The following KCNQ3 variants were observed in gnomAD, a reference collection of about 807,000 sequenced individuals.
KCNQ3 encodes the protein potassium voltage-gated channel subfamily Q member 3.
KCNQ3 carries 30 observed loss-of-function variants against 92.5 expected under a neutral mutation model. That is an observed-to-expected ratio of 0.32 (90% CI 0.24 to 0.44). The LOEUF (loss-of-function observed/expected upper bound fraction) is 0.44, where lower values mean the gene tolerates loss of function less well. KCNQ3 is among the 20% of genes least tolerant of loss of function. The probability of loss-of-function intolerance (pLI) is 1.00; values close to 1 mark genes in which losing one functional copy is unlikely to be tolerated. For missense variants in KCNQ3, 913 were observed against 1,140.3 expected, an observed-to-expected ratio of 0.80 and a Z score of 2.87; for synonymous variants, 450 against 468.8, an observed-to-expected ratio of 0.96 and a Z score of 0.52.
intron 1 of KCNQ3, among the ~76,000 whole-genome samples, chr8:132,350,380 T>C (rs1201320795): frequency 1.3e-5 from 2 of 152,162 alleles, no homozygotes; most frequent in Non-Finnish European, 2.9e-5. Context: ...CAGCTTCCCT[T>C]TGTTCTAGTC....
chr8:132,186,802 G>A (rs539092303), intron 1 of KCNQ3, among the ~76,000 whole-genome samples: 12 of 152,142 alleles, frequency 7.9e-5, no homozygotes, highest in Non-Finnish European at 2.9e-5. Context: ...CAGAATGCTG[G>A]TCCTTTAAAA....
At chr8:132,169,438 G>GA (rs35061911) in intron 8 of KCNQ3, among the ~76,000 whole-genome samples, 1 of 152,168 alleles carries the variant, frequency 6.6e-6, no homozygotes, top group Non-Finnish European at 1.5e-5. Flanking sequence ...CATAACCATA[G>GA]AAAAAGGTTC....
chr8:132,445,619 T>C (rs1821654709), intron 1 of KCNQ3, among the ~76,000 whole-genome samples: 1 of 152,038 alleles, frequency 6.6e-6, no homozygotes, highest in Admixed American at 6.5e-5. Flanking sequence ...TCAAATTAAT[T>C]TTCCCTCCTT....
chr8:132,249,696 C>T (rs113919432), intron 1 of KCNQ3, among the ~76,000 whole-genome samples: 3,053 of 152,266 alleles, frequency 0.02, 103 homozygotes, highest in African/African-American at 0.069. Context: ...GACTGGGCAC[C>T]GCAGAGCAGG....
At chr8:132,265,324 C>A (rs1815946058) in intron 1 of KCNQ3, among the ~76,000 whole-genome samples, 1 of 152,240 alleles carries the variant, frequency 6.6e-6, no homozygotes, top group Admixed American at 6.5e-5. Context: ...GGCCATCCAC[C>A]AACAACCAGT....
At chr8:132,259,120 C>G (rs13255301) in intron 1 of KCNQ3, among the ~76,000 whole-genome samples, 67,558 of 151,806 alleles carry the variant, frequency 0.45, 17,083 homozygotes, top group East Asian at 0.68. Context: ...TTATTCTCCA[C>G]ACCAGGAAAA....
chr8:132,133,912 G>T (rs949552958), intron 13 of KCNQ3, among the ~76,000 whole-genome samples: 4 of 152,178 alleles, frequency 2.6e-5, no homozygotes, highest in Non-Finnish European at 4.4e-5. Context: ...CCTGGGAGGG[G>T]TATCAATCAA....
At chr8:132,133,940 A>C (rs1341415132) in intron 13 of KCNQ3, among the ~76,000 whole-genome samples, 1 of 152,194 alleles carries the variant, frequency 6.6e-6, no homozygotes, top group African/African-American at 2.4e-5. Context: ...GTAATTATGC[A>C]GGATGGAGAA....
At chr8:132,264,375 G>A (rs2130479728) in intron 1 of KCNQ3, among the ~76,000 whole-genome samples, 1 of 152,266 alleles carries the variant, frequency 6.6e-6, no homozygotes, top group Middle Eastern at 3.4e-3. Context: ...ATCAGGAGGG[G>A]CCACGTATTG....
intron 1 of KCNQ3, among the ~76,000 whole-genome samples, chr8:132,432,031 T>C (rs1444583075): frequency 6.6e-6 from 1 of 152,242 alleles, no homozygotes; most frequent in Non-Finnish European, 1.5e-5. Context: ...AGAGGGTTGT[T>C]ATGAGGGATC....
intron 1 of KCNQ3, among the ~76,000 whole-genome samples, chr8:132,397,413 A>G (rs1025641095): frequency 6.6e-6 from 1 of 152,198 alleles, no homozygotes; most frequent in Non-Finnish European, 1.5e-5. Flanking sequence ...GGTAACCTAG[A>G]CAAGTTGTTC....
rs539895671 is a variant in KCNQ3 at position 132,129,148 on chromosome 8, C to T, written c.*114G>A. The T allele has an allele frequency of 2.0e-5, 26 of 1,302,436 alleles. No homozygotes were observed. Among genetic ancestry groups the T allele is most frequent in the African/African-American group, 1.4e-4 (10 of 69,190 alleles). The allele number at this position is 1,302,436 out of a possible 1,614,324, so 80.7% of individuals were successfully genotyped here. A position where few individuals can be genotyped will look rare whatever the true frequency, so the allele number is the denominator to read the frequency against. On this transcript the variant is annotated 3_prime_UTR_variant, in exon 15 of 15. Coordinates refer to ENST00000388996, the MANE Select transcript of KCNQ3 (RefSeq NM_004519.4). This position sits in a 1 kb window ranked among gnomAD's most constrained non-coding sequence, Gnocchi z 5.9. ...TGCCTGGGTGGGGCCACCACGCACA[C>T]GCATGCATTTGATGCAGCCATTGGT...
intron 1 of KCNQ3, among the ~76,000 whole-genome samples, chr8:132,186,930 G>A (rs1175809553): frequency 9.5e-6 from 1 of 105,734 alleles, no homozygotes; most frequent in African/African-American, 4.4e-5. Context: ...GTGTGTGTGT[G>A]TGTGAGAGAG....
chr8:132,278,131 T>C (rs1816398542), intron 1 of KCNQ3: 1 of 985,268 alleles, frequency 1.0e-6, no homozygotes, highest in Non-Finnish European at 1.2e-6. Flanking sequence ...TCTAACTAAC[T>C]AGAGAATCCC....
chr8:132,178,602 A>G (rs1826646572), intron 4 of KCNQ3, among the ~76,000 whole-genome samples: 1 of 152,120 alleles, frequency 6.6e-6, no homozygotes, highest in African/African-American at 2.4e-5. Flanking sequence ...TTCTGGCTGG[A>G]AGGTGGCAGA....
chr8:132,138,057 G>C (rs1825163646), intron 11 of KCNQ3, 41 bp from the exon 12 acceptor site: 4 of 1,599,090 alleles, frequency 2.5e-6, no homozygotes, highest in South Asian at 2.2e-5. Flanking sequence ...CCCATGTGGA[G>C]AGTGCGGGGA....
chr8:132,323,222 A>G (rs935645238), intron 1 of KCNQ3, among the ~76,000 whole-genome samples: 2 of 152,192 alleles, frequency 1.3e-5, no homozygotes, highest in Non-Finnish European at 2.9e-5. Context: ...TCACTTAAAG[A>G]TGAGCAGAGG....
chr8:132,285,635 G>T (rs372637389), intron 1 of KCNQ3, among the ~76,000 whole-genome samples: 1 of 152,188 alleles, frequency 6.6e-6, no homozygotes, highest in Non-Finnish European at 1.5e-5. Context: ...AATGAAGAAC[G>T]TCTTCAGGAG....
intron 1 of KCNQ3, among the ~76,000 whole-genome samples, chr8:132,207,915 A>G (rs1198621199): frequency 6.8e-6 from 1 of 146,382 alleles, no homozygotes; most frequent in Non-Finnish European, 1.5e-5. Context: ...CCAAAATGAG[A>G]GAGATTAAAA....
Sources: allele counts gnomAD v4.1 joint callset (sites outside exome capture counted in the v4.1 genomes callset), GRCh38; gene constraint gnomAD v4.1.1; non-coding constraint Gnocchi (gnomAD v3.1); transcripts MANE v1.5; gene names NCBI Gene and HGNC (gene_info 2026-07-23, HGNC 2026-07-21).